NFATC3: variants seen among roughly 807,000 people sequenced by gnomAD.
NFATC3 encodes the protein nuclear factor of activated T-cells, cytoplasmic 3.
A neutral mutation model predicts 98.6 loss-of-function variants in NFATC3; 46 were observed. The ratio of observed to expected loss-of-function variants is 0.47; its 90% CI spans 0.37 to 0.60. NFATC3 has a LOEUF of 0.60. NFATC3 is among the 20% of genes least tolerant of loss of function. The pLI is 0.00. For synonymous variants in NFATC3, 512 were observed against 472.2 expected (o/e 1.08, Z -1.09); for missense variants, 1,256 against 1,295.5 (o/e 0.97, Z 0.47).
At chr16:68,162,954 C>G (rs190953443) in intron 4 of NFATC3, among the ~76,000 whole-genome samples, 18 of 140,350 alleles carry the variant, frequency 1.3e-4, no homozygotes, top group East Asian at 8.0e-4. Context: ...CTCTTAACAA[C>G]GAGCACGCTG....
intron 7 of NFATC3, among the ~76,000 whole-genome samples, chr16:68,182,817 C>CT (rs2040005535): frequency 6.6e-6 from 1 of 152,030 alleles, no homozygotes; most frequent in African/African-American, 2.4e-5. Context: ...TCACACCTGG[C>CT]TCCAGTTTAG....
At chr16:68,104,586 TTCTTA>T (rs2035541741) in intron 1 of NFATC3, among the ~76,000 whole-genome samples, 1 of 152,010 alleles carries the variant, frequency 6.6e-6, no homozygotes, top group African/African-American at 2.4e-5. Flanking sequence ...CTTATCTTGC[TTCTTA>T]TCTTGGGGGA....
chr16:68,118,644 G>T (rs2036415402), intron 1 of NFATC3, among the ~76,000 whole-genome samples: 1 of 151,992 alleles, frequency 6.6e-6, no homozygotes, highest in African/African-American at 2.4e-5. Flanking sequence ...TGGTCTTATG[G>T]CTTTAAATTT....
chr16:68,108,270 G>A (rs2035769309), intron 1 of NFATC3, among the ~76,000 whole-genome samples: 1 of 152,150 alleles, frequency 6.6e-6, no homozygotes, highest in Non-Finnish European at 1.5e-5. Context: ...GTAAGGAAGG[G>A]ATCCAGTTTC....
intron 3 of NFATC3, among the ~76,000 whole-genome samples, chr16:68,148,316 T>TA (rs778306256): frequency 1.5e-4 from 23 of 152,244 alleles, no homozygotes; most frequent in Non-Finnish European, 2.2e-4. Flanking sequence ...GTGCCTGACC[T>TA]AGGCTTTATT....
chr16:68,140,644 A>C (rs530534764), intron 3 of NFATC3, among the ~76,000 whole-genome samples: 3 of 151,176 alleles, frequency 2.0e-5, no homozygotes, highest in Non-Finnish European at 4.4e-5. Flanking sequence ...CAAAATGATC[A>C]TGGATTTTTT....
At chr16:68,152,293 C>G (rs1175245388) in intron 3 of NFATC3, among the ~76,000 whole-genome samples, 1 of 147,358 alleles carries the variant, frequency 6.8e-6, no homozygotes, top group African/African-American at 2.5e-5. Context: ...ACAGGAGAAT[C>G]GCTTGAACTG....
In NFATC3 at chr16:68,227,025, T is replaced by C. The variant is rs1247519790; in HGVS notation, c.*554T>C. On this transcript the variant is annotated 3_prime_UTR_variant, in exon 10 of 10. Coordinates refer to ENST00000346183, the MANE Select transcript of NFATC3 (RefSeq NM_173165.3). Reference sequence around the variant, plus strand: ...TGTCCTGAAGACGTTCATAGATTTATAGGAAATAAAGCCAAATGTAGCTCA... The same window carrying C: ...TGTCCTGAAGACGTTCATAGATTTACAGGAAATAAAGCCAAATGTAGCTCA... The C allele has an allele frequency of 6.6e-6, 1 of 151,764 alleles. No homozygotes were observed. The highest frequency in any genetic ancestry group is 1.5e-5 in the Non-Finnish European group (1 of 68,004). The allele number at this position is 151,764 out of a possible 1,614,324, so 9.4% of individuals were successfully genotyped here.
intron 9 of NFATC3, among the ~76,000 whole-genome samples, chr16:68,204,045 G>A (rs550106891): frequency 2.6e-5 from 4 of 152,204 alleles, no homozygotes; most frequent in East Asian, 1.9e-4. Flanking sequence ...AAAATAAGCC[G>A]GGTGTGGTGG....
chr16:68,086,635 T>C (rs887389131), intron 1 of NFATC3: 2 of 985,306 alleles, frequency 2.0e-6, no homozygotes, highest in African/African-American at 1.7e-5. Flanking sequence ...CTGTTACATA[T>C]GCATACGAAC....
chr16:68,098,422 C>T (rs946023573), intron 1 of NFATC3, among the ~76,000 whole-genome samples: 6 of 151,402 alleles, frequency 4.0e-5, no homozygotes, highest in Non-Finnish European at 5.9e-5. Flanking sequence ...CTGCCTCAGC[C>T]TCCCGAGTAG....
intron 5 of NFATC3, among the ~76,000 whole-genome samples, chr16:68,170,794 C>T (rs998528446): frequency 6.6e-6 from 1 of 152,072 alleles, no homozygotes; most frequent in Admixed American, 6.6e-5. Flanking sequence ...CGCCCGGCCT[C>T]GATTTTCTTT....
At chr16:68,155,864 CAATG>C (rs1295358939) in intron 3 of NFATC3, among the ~76,000 whole-genome samples, 1 of 152,038 alleles carries the variant, frequency 6.6e-6, no homozygotes, top group Non-Finnish European at 1.5e-5. Flanking sequence ...AGAAAACACT[CAATG>C]GTAGCAGACT....
chr16:68,207,445 T>C (rs1387885864), intron 9 of NFATC3, among the ~76,000 whole-genome samples: 2 of 152,160 alleles, frequency 1.3e-5, no homozygotes, highest in Non-Finnish European at 2.9e-5. Context: ...GTGGAATTGC[T>C]GGGTCCTATG....
intron 9 of NFATC3, chr16:68,221,184 A>G: frequency 6.2e-7 from 1 of 1,613,280 alleles, no homozygotes; most frequent in Non-Finnish European, 8.5e-7. Context: ...TTACATTTAC[A>G]TTACATCATA....
intron 3 of NFATC3, among the ~76,000 whole-genome samples, chr16:68,138,210 T>C (rs1170366301): frequency 6.6e-6 from 1 of 151,690 alleles, no homozygotes; most frequent in East Asian, 2.0e-4. Context: ...CAGTTAATTT[T>C]TGTATTTTTA....
intron 9 of NFATC3, chr16:68,217,772 GA>G (rs1460405109): frequency 8.1e-7 from 1 of 1,231,580 alleles, no homozygotes; most frequent in Non-Finnish European, 1.0e-6. Flanking sequence ...GAAGGGATGG[GA>G]AAAAGGGAGG....
chr16:68,149,781 A>C (rs1346398896), intron 3 of NFATC3, among the ~76,000 whole-genome samples: 1 of 152,330 alleles, frequency 6.6e-6, no homozygotes, highest in East Asian at 1.9e-4. Flanking sequence ...TGCTTAGTAT[A>C]TCTAAAGGGC....
intron 3 of NFATC3, among the ~76,000 whole-genome samples, chr16:68,148,788 A>T (rs2038169122): frequency 6.6e-6 from 1 of 152,168 alleles, no homozygotes; most frequent in Non-Finnish European, 1.5e-5. Context: ...CGGGTGGATC[A>T]TTTGAGGACA....
Sources: gnomAD v4.1 joint callset for allele counts (sites outside exome capture counted in the v4.1 genomes callset) on GRCh38, gnomAD v4.1.1 for gene constraint, MANE v1.5 for transcripts, NCBI Gene and HGNC (gene_info 2026-07-23, HGNC 2026-07-21) for gene names.